The following EPS15 variants were observed in gnomAD, a reference collection of about 807,000 sequenced individuals.
EPS15 encodes the protein epidermal growth factor receptor substrate 15.
EPS15 carries 72 observed loss-of-function variants against 113.8 expected under a neutral mutation model. The ratio of observed to expected loss-of-function variants is 0.63; its 90% CI spans 0.52 to 0.77. The LOEUF (loss-of-function observed/expected upper bound fraction) is 0.77, where lower values mean the gene tolerates loss of function less well. Ranked by LOEUF, EPS15 falls within the 30% of genes least tolerant of loss-of-function variation. EPS15 has a pLI of 0.00. For missense variants in EPS15, 1,048 were observed against 1,045.8 expected (o/e 1.00, Z -0.03); for synonymous variants, 344 against 363.4 (o/e 0.95, Z 0.61).
intron 8 of EPS15, among the ~76,000 whole-genome samples, chr1:51,451,451 A>T (rs1484902727): frequency 6.8e-6 from 1 of 147,234 alleles, no homozygotes; most frequent in African/African-American, 2.5e-5. Flanking sequence ...AGATTGTGCC[A>T]CTGCACTCCA....
chr1:51,507,944 G>A (rs1311731253), intron 1 of EPS15, among the ~76,000 whole-genome samples: 4 of 151,856 alleles, frequency 2.6e-5, no homozygotes, highest in Non-Finnish European at 4.4e-5. Context: ...TTGGGAGGCC[G>A]AGGCAGGTGG....
chr1:51,409,805 G>A (rs1050217240), intron 13 of EPS15, 109 bp from the exon 14 acceptor site: 7 of 709,362 alleles, frequency 9.9e-6, no homozygotes, highest in Admixed American at 5.5e-5. Flanking sequence ...TGAGTATACT[G>A]TGTTGATGAG....
chr1:51,386,322 G>A (rs140151081), intron 21 of EPS15, among the ~76,000 whole-genome samples: 1 of 152,344 alleles, frequency 6.6e-6, no homozygotes, highest in African/African-American at 2.4e-5. Context: ...GACAATGAAA[G>A]AAGAAAAGTA....
At chr1:51,486,068 G>A (rs1644115747) in intron 1 of EPS15, among the ~76,000 whole-genome samples, 1 of 152,038 alleles carries the variant, frequency 6.6e-6, no homozygotes, top group Admixed American at 6.5e-5. Flanking sequence ...AAAGTGCTGG[G>A]ATTACAGGTG....
chr1:51,395,871 T>C (rs1222038236), intron 20 of EPS15, among the ~76,000 whole-genome samples: 1 of 152,220 alleles, frequency 6.6e-6, no homozygotes, highest in East Asian at 1.9e-4. Context: ...ATGTCATTTG[T>C]ATTACAGACT....
chr1:51,371,445 TTGTG>T (rs1452180310), intron 21 of EPS15, among the ~76,000 whole-genome samples: 2 of 152,012 alleles, frequency 1.3e-5, no homozygotes, highest in East Asian at 3.9e-4. Context: ...TCATGTTTGT[TTGTG>T]TATTAATTTT....
chr1:51,514,822 A>T (rs1428194664), intron 1 of EPS15, among the ~76,000 whole-genome samples: 1 of 152,224 alleles, frequency 6.6e-6, no homozygotes, highest in Non-Finnish European at 1.5e-5. Context: ...GAAGGGTTAG[A>T]TATCTCTCTC....
At chr1:51,381,311 A>G (rs72694151) in intron 21 of EPS15, among the ~76,000 whole-genome samples, 4,582 of 152,218 alleles carry the variant, frequency 0.03, 75 homozygotes, top group African/African-American at 0.05. Flanking sequence ...TATCTCTTCC[A>G]GCCAGGTGCG....
intron 21 of EPS15, among the ~76,000 whole-genome samples, chr1:51,370,477 G>A (rs1159946657): frequency 6.6e-6 from 1 of 151,972 alleles, no homozygotes; most frequent in Non-Finnish European, 1.5e-5. Flanking sequence ...GCTCAAAAAG[G>A]TTTAGATTTT....
chr1:51,375,704 T>C (rs934917887), intron 21 of EPS15, among the ~76,000 whole-genome samples: 1 of 152,210 alleles, frequency 6.6e-6, no homozygotes, highest in Non-Finnish European at 1.5e-5. Flanking sequence ...ATGACCTATA[T>C]AATAATAACT....
intron 21 of EPS15, among the ~76,000 whole-genome samples, chr1:51,383,764 G>T (rs1181580205): frequency 6.6e-6 from 1 of 152,084 alleles, no homozygotes; most frequent in Non-Finnish European, 1.5e-5. Flanking sequence ...GCAAGAAAAA[G>T]AAATAAAAGG....
chr1:51,512,380 C>G (rs1042166133), intron 1 of EPS15, among the ~76,000 whole-genome samples: 2 of 152,088 alleles, frequency 1.3e-5, no homozygotes, highest in Non-Finnish European at 2.9e-5. Context: ...ATTAGTCTGC[C>G]TCTGCTCCTG....
At chr1:51,385,997 G>C (rs72694165) in intron 21 of EPS15, among the ~76,000 whole-genome samples, 1 of 152,062 alleles carries the variant, frequency 6.6e-6, no homozygotes, top group South Asian at 2.1e-4. Context: ...CTTAATGCTC[G>C]TGAACTGTAC....
At chr1:51,408,379 A>T in intron 14 of EPS15, 47 bp from the exon 15 acceptor site, 1 of 1,402,252 alleles carries the variant, frequency 7.1e-7, no homozygotes, top group Non-Finnish European at 1.0e-6. Context: ...AAAAGAAGAG[A>T]TGTCATTAAA....
intron 1 of EPS15, among the ~76,000 whole-genome samples, chr1:51,482,897 G>A (rs1432367753): frequency 6.6e-6 from 1 of 152,040 alleles, no homozygotes; most frequent in African/African-American, 2.4e-5. Context: ...GGGAAGGAAA[G>A]CATAATTTTA....
intron 1 of EPS15, among the ~76,000 whole-genome samples, chr1:51,490,155 G>A (rs60698990): frequency 0.03 from 4,577 of 152,240 alleles, 76 homozygotes; most frequent in African/African-American, 0.05. Context: ...GTCATTTTTA[G>A]GGGAGGGTTA....
intron 8 of EPS15, among the ~76,000 whole-genome samples, chr1:51,452,867 G>A (rs1038419868): frequency 1.3e-5 from 2 of 152,142 alleles, no homozygotes; most frequent in African/African-American, 2.4e-5. Context: ...GCATGATAAA[G>A]CACAGATTTC....
intron 13 of EPS15, among the ~76,000 whole-genome samples, chr1:51,420,574 T>C (rs1650660450): frequency 6.6e-6 from 1 of 152,156 alleles, no homozygotes; most frequent in Non-Finnish European, 1.5e-5. Context: ...TCTTTTGCAT[T>C]TCCTAAGAAG....
chr1:51,490,197 G>A, intron 1 of EPS15: 2 of 377,700 alleles, frequency 5.3e-6, no homozygotes, highest in Non-Finnish European at 1.0e-5. Flanking sequence ...ACATGACTTT[G>A]AGAGTACAAG....
Sources: allele counts gnomAD v4.1 joint callset (sites outside exome capture counted in the v4.1 genomes callset), GRCh38; gene constraint gnomAD v4.1.1; transcripts MANE v1.5; gene names NCBI Gene and HGNC (gene_info 2026-07-23, HGNC 2026-07-21).